Variants in EEF2 observed in about 807,000 individuals in gnomAD.
EEF2 encodes the protein elongation factor 2.
Under a neutral mutation model 85.3 loss-of-function variants are expected in EEF2, and 21 were observed. The ratio of observed to expected loss-of-function variants is 0.25; its 90% CI spans 0.17 to 0.35. EEF2 has a LOEUF of 0.35. Among genes scored for constraint, EEF2 ranks in the 10% least tolerant of loss-of-function variants. The pLI is 1.00. For synonymous variants in EEF2, 723 were observed against 508.8 expected, an observed-to-expected ratio of 1.42 and a Z score of -5.67; for missense variants, 825 against 1,225.3, an observed-to-expected ratio of 0.67 and a Z score of 4.88.
intron 4 of EEF2, 68 bp from the exon 5 acceptor site, chr19:3,982,492 C>A (rs779433150): frequency 2.5e-6 from 4 of 1,597,590 alleles, no homozygotes; most frequent in Admixed American, 1.7e-5. Context: ...ACGGGCTGGG[C>A]GCCTTGGGCA....
At chr19:3,981,120 A>G (rs2039740544) in intron 7 of EEF2, 141 bp from the exon 8 acceptor site, 2 of 1,376,178 alleles carry the variant, frequency 1.5e-6, no homozygotes, top group Non-Finnish European at 1.9e-6. Flanking sequence ...GGAAGGCGGC[A>G]AAGGCCATGC....
chr19:3,982,690 C>T (rs1403540179), intron 4 of EEF2, 117 bp downstream of exon 4: 1 of 1,236,504 alleles, frequency 8.1e-7, no homozygotes, highest in African/African-American at 1.5e-5. Flanking sequence ...CCTTCTCTGT[C>T]ACCCAACATT....
At chr19:3,981,477 A>C (rs1435284661) in intron 6 of EEF2, 25 bp from the exon 7 acceptor site, 1 of 1,606,664 alleles carries the variant, frequency 6.2e-7, no homozygotes, top group East Asian at 2.2e-5. Context: ...AAGAAACAAG[A>C]AAGCCCATTT....
Position 3,978,117 on chromosome 19 carries a change from A to G in EEF2, c.1769T>C (p.Leu590Pro). The G allele has an allele frequency of 4.0e-6, 6 of 1,508,588 alleles. No homozygotes were observed. Among genetic ancestry groups the G allele is most frequent in the Non-Finnish European group, 5.4e-6 (6 of 1,120,132 alleles). 93.5% of individuals were successfully genotyped at this position (1,508,588 alleles called of 1,614,324 possible). A position where few individuals can be genotyped will look rare whatever the true frequency, so the allele number is the denominator to read the frequency against. Residue 590 changes from leucine to proline, a missense_variant, in exon 12 of 15, where the codon CTC (leucine) becomes CCC (proline). Coordinates refer to ENST00000309311, the MANE Select transcript of EEF2 (RefSeq NM_001961.4). ...CTTGTTGGGGGACTTGGAGAGGCAG[A>G]GCACGTTCGACTCTTCACTGACCGT... ...RETVSEESNV[L>P]CLSKSPNKHN...
At position 3,977,145 on chromosome 19, in the gene EEF2, A is replaced by G. The variant is rs954812476; in HGVS notation, c.2383+70T>C. ...GGACGCCTCCTTTAACACCTTGCTA[A>G]GCTTAACTGGGCTTCTGTCCCCCAA... On this transcript the variant is annotated intron_variant, in intron 14 of 14. Transcript: ENST00000309311. The surrounding 1 kb of genome is among the most constrained non-coding windows in gnomAD (Gnocchi z 5.4). 196 of 1,575,276 alleles carry G rather than the reference A, an allele frequency of 1.2e-4. No individual in the cohort carries two copies. The Admixed American group carries it at 2.5e-3, about 20-fold the overall frequency.
chr19:3,979,832 C>T lies in EEF2; in HGVS notation c.1581G>A (p.Leu527=), dbSNP rs1304799179. Residue 527 remains leucine (L), a synonymous_variant, in exon 10 of 15, where the codon CTG becomes CTA. Coordinates refer to ENST00000309311, the MANE Select transcript of EEF2 (RefSeq NM_001961.4). The stretch of plus-strand genomic sequence containing the variant: ...CCTGCACCATGGGGTCGGACTTGGC[C>T]AGCCGCTTCAGCCCCTCCACCAGCT... ...LPKLVEGLKR[L]AKSDPMVQCI... The T allele has an allele frequency of 1.2e-6, 2 of 1,613,444 alleles. No individual in the cohort carries two copies. The highest frequency in any genetic ancestry group is 1.3e-5 in the African/African-American group (1 of 74,954).
chr19:3,976,332 T>C lies in EEF2; in HGVS notation c.*222A>G. The C allele has an allele frequency of 3.2e-6, 1 of 309,826 alleles. No homozygotes were observed. The highest frequency in any genetic ancestry group is 6.2e-6 in the Non-Finnish European group (1 of 160,982). The allele number at this position is 309,826 out of a possible 1,614,324, so 19.2% of individuals were successfully genotyped here. On this transcript the variant is annotated 3_prime_UTR_variant, in exon 15 of 15. Coordinates refer to ENST00000309311, the MANE Select transcript of EEF2 (RefSeq NM_001961.4). Reference sequence around the variant, plus strand: ...CTCCCCGACCGGCCCATTAAGTCCCTACTAAGAGGGCGTGTCTGCTGCCTC... The same window carrying C: ...CTCCCCGACCGGCCCATTAAGTCCCCACTAAGAGGGCGTGTCTGCTGCCTC...
rs373339566 is a variant in EEF2 at position 3,977,796 on chromosome 19, G to C, written c.2067+23C>G. The C allele has an allele frequency of 3.0e-5, 47 of 1,559,010 alleles. No homozygotes were observed. Among genetic ancestry groups the C allele is most frequent in the Non-Finnish European group, 3.9e-5 (45 of 1,148,158 alleles). On this transcript the variant is annotated intron_variant, in intron 12 of 14. Coordinates refer to ENST00000309311, the MANE Select transcript of EEF2 (RefSeq NM_001961.4). This position sits in a 1 kb window ranked among gnomAD's most constrained non-coding sequence, Gnocchi z 5.4. ...TAGAGCCTGGAAACGGGTGTGGTCT[G>C]CACATGCTGAGCCGTGCCTCACCTC...
rs1371251705 is a variant in EEF2 at position 3,985,435 on chromosome 19, CGAGGATGGCG to C, written c.-65_-56del. 19 of 1,455,426 alleles carry C rather than the reference CGAGGATGGCG, an allele frequency of 1.3e-5. No individual in the cohort carries two copies. Among genetic ancestry groups the C allele is most frequent in the Non-Finnish European group, 1.5e-5 (17 of 1,098,102 alleles). The allele number at this position is 1,455,426 out of a possible 1,614,324, so 90.2% of individuals were successfully genotyped here. A position where few individuals can be genotyped will look rare whatever the true frequency, so the allele number is the denominator to read the frequency against. On this transcript the variant is annotated 5_prime_UTR_variant, in exon 1 of 15. Coordinates refer to ENST00000309311, the MANE Select transcript of EEF2 (RefSeq NM_001961.4). ...TAGAACCGAAAGAAGCGAGTCGCGC[CGAGGATGGCG>C]GCGACGACGGCGGAAGAGAACGCTG...
chr19:3,979,231 A>C, intron 11 of EEF2, 98 bp downstream of exon 11: 2 of 893,248 alleles, frequency 2.2e-6, no homozygotes, highest in Non-Finnish European at 3.5e-6. Flanking sequence ...GACCGAGATC[A>C]AGTCTAGGCG....
In EEF2 at chr19:3,976,664, C is replaced by G; in HGVS notation, c.2467G>C (p.Asp823His). 1.2e-6 allele frequency: 2 copies of G among 1,609,328 alleles called. No homozygotes were observed. The highest frequency in any genetic ancestry group is 1.7e-6 in the Non-Finnish European group (2 of 1,178,682). ...GGGCGGCTGCTGTTGTCGAAGGGGT[C>G]TCCGGGCAGGATCTGCCAGTGGTCA... ...VFDHWQILPG[D>H]PFDNSSRPSQ... Residue 823 changes from aspartate to histidine, a missense_variant, in exon 15 of 15, where the codon GAC becomes CAC. Physicochemically the swap from Asp to His is moderately conservative, Grantham distance 81. Transcript: ENST00000309311.
At position 3,985,452 on chromosome 19, in the gene EEF2, A is replaced by G. The variant is rs1037024876; in HGVS notation, c.-72T>C. ...AGTCGCGCCGAGGATGGCGGCGACG[A>G]CGGCGGAAGAGAACGCTGACGTCAA... On this transcript the variant is annotated 5_prime_UTR_variant, in exon 1 of 15. Transcript: ENST00000309311. 16 of 1,417,210 alleles carry G rather than the reference A, an allele frequency of 1.1e-5. No individual in the cohort carries two copies. In the Middle Eastern group the frequency reaches 5.5e-4, roughly 49 times the overall value. The allele number at this position is 1,417,210 out of a possible 1,614,324, so 87.8% of individuals were successfully genotyped here.
chr19:3,985,410 T>C lies in EEF2; in HGVS notation c.-30A>G. 1 of 1,492,230 alleles carries C rather than the reference T, an allele frequency of 6.7e-7. No homozygotes were observed. The highest frequency in any genetic ancestry group is 9.0e-7 in the Non-Finnish European group (1 of 1,115,104). 92.4% of individuals were successfully genotyped at this position (1,492,230 alleles called of 1,614,324 possible). On this transcript the variant is annotated 5_prime_UTR_variant, in exon 1 of 15. Coordinates refer to ENST00000309311, the MANE Select transcript of EEF2 (RefSeq NM_001961.4). ...GCGGATGGCGGTGGATTCTCCCAGG[T>C]AGAACCGAAAGAAGCGAGTCGCGCC...
intron 9 of EEF2, 122 bp downstream of exon 9, chr19:3,980,392 A>G (rs891590319): frequency 7.9e-7 from 1 of 1,266,998 alleles, no homozygotes; most frequent in Non-Finnish European, 1.1e-6. Context: ...GGCTGGCACA[A>G]GTATCACCCT....
At chr19:3,985,355 A>C (rs1472311770) in intron 1 of EEF2, 23 bp downstream of exon 1, 2 of 1,476,544 alleles carry the variant, frequency 1.4e-6, no homozygotes, top group African/African-American at 1.4e-5. Context: ...GCTCCGGGGC[A>C]CCAGCGAGGC....
Position 3,979,930 on chromosome 19 carries a change from G to A in EEF2, c.1483C>T (p.Arg495Trp). ...ITTFEHAHNM[R>W]VMKFSVSPVV... Reference sequence around the variant, plus strand: ...GGGCTGACGCTGAACTTCATCACCCGCATGTTGTGCGCGTGCTCGAAGGTG... The same window carrying A: ...GGGCTGACGCTGAACTTCATCACCCACATGTTGTGCGCGTGCTCGAAGGTG... The change falls in exon 10 of 15, where the codon CGG (arginine) becomes TGG (tryptophan). Residue 495 changes from arginine (R) to tryptophan (W), a missense_variant. Coordinates refer to ENST00000309311, the MANE Select transcript of EEF2 (RefSeq NM_001961.4). 6.2e-7 allele frequency: 1 copy of A among 1,613,890 alleles called. No homozygotes were observed. Among genetic ancestry groups the A allele is most frequent in the Non-Finnish European group, 8.5e-7 (1 of 1,180,036 alleles).
At chr19:3,976,836 A>C in intron 14 of EEF2, 89 bp from the exon 15 acceptor site, 15 of 1,368,656 alleles carry the variant, frequency 1.1e-5, no homozygotes, top group South Asian at 1.5e-5. Flanking sequence ...CTAGTTCCTC[A>C]GCCTGAGTCA....
rs2039759691 is a variant in EEF2 at position 3,982,240 on chromosome 19, G to A, written c.791+6C>T. On this transcript the variant is annotated splice_donor_region_variant and intron_variant, in intron 5 of 14. Transcript: ENST00000309311. ...GGAATCCCCCACCATATCCCGCGGG[G>A]CTCACCTGTCACCCCACAGCTTCTT... 1 of 1,613,850 alleles carries A rather than the reference G, an allele frequency of 6.2e-7. No homozygotes were observed. The highest frequency in any genetic ancestry group is 8.5e-7 in the Non-Finnish European group (1 of 1,179,822).
chr19:3,982,022 G>A lies in EEF2; in HGVS notation c.822C>T (p.Ser274=), dbSNP rs1469266425. The A allele has an allele frequency of 1.2e-6, 2 of 1,614,068 alleles. No individual in the cohort carries two copies. The highest frequency in any genetic ancestry group is 1.7e-6 in the Non-Finnish European group (2 of 1,180,030). Residue 274 remains serine, a synonymous_variant, in exon 6 of 15, where the codon AGC becomes AGT. Coordinates refer to ENST00000309311, the MANE Select transcript of EEF2 (RefSeq NM_001961.4). ...RYFDPANGKF[S]KSATSPEGKK... ...TCCCTTCGGGGCTGGTGGCTGACTT[G>A]CTGAACTTGCCGTTGGCTGGGTCAA...
Sources: gnomAD v4.1 joint callset for allele counts on GRCh38, gnomAD v4.1.1 for gene constraint, Gnocchi (gnomAD v3.1) non-coding constraint, MANE v1.5 for transcripts, NCBI Gene and HGNC (gene_info 2026-07-23, HGNC 2026-07-21) for gene names.